Variants in TMEM132B observed in about 807,000 individuals in gnomAD.
TMEM132B encodes the protein transmembrane protein 132B.
TMEM132B carries 18 observed loss-of-function variants against 90.8 expected under a neutral mutation model. That is an observed-to-expected ratio of 0.20 (90% confidence interval 0.14 to 0.29). TMEM132B has a LOEUF of 0.29. Among genes scored for constraint, TMEM132B ranks in the 10% least tolerant of loss-of-function variants. The probability of loss-of-function intolerance (pLI) is 1.00; values close to 1 mark genes in which losing one functional copy is unlikely to be tolerated. For synonymous variants in TMEM132B, 504 were observed against 523.3 expected, an observed-to-expected ratio of 0.96 and a Z score of 0.50; for missense variants, 1,096 against 1,326.8, an observed-to-expected ratio of 0.83 and a Z score of 2.70.
At chr12:125,604,595 C>T (rs1885647224) in intron 5 of TMEM132B, among the ~76,000 whole-genome samples, 1 of 152,050 alleles carries the variant, frequency 6.6e-6, no homozygotes. Context: ...CACTTGTATC[C>T]CAGAACTTAA....
At chr12:125,267,552 T>C (rs1171952710) in intron 1 of TMEM132B, among the ~76,000 whole-genome samples, 2 of 152,170 alleles carry the variant, frequency 1.3e-5, no homozygotes, top group African/African-American at 2.4e-5. Flanking sequence ...TTTGGTTTGT[T>C]CTTCTGATAG....
chr12:125,384,843 G>C (rs1160115379), intron 2 of TMEM132B, among the ~76,000 whole-genome samples: 2 of 152,158 alleles, frequency 1.3e-5, no homozygotes, highest in Admixed American at 6.5e-5. Context: ...GTAGAAATGG[G>C]GTTTCACCAT....
At chr12:125,290,386 G>C (rs548957434) in intron 1 of TMEM132B, among the ~76,000 whole-genome samples, 2 of 152,270 alleles carry the variant, frequency 1.3e-5, no homozygotes, top group East Asian at 3.9e-4. Context: ...AATAAAGCCT[G>C]ACAGTTACAA....
intron 2 of TMEM132B, among the ~76,000 whole-genome samples, chr12:125,385,554 G>C (rs1392053101): frequency 6.6e-6 from 1 of 152,196 alleles, no homozygotes; most frequent in Non-Finnish European, 1.5e-5. Context: ...GGTCACATGA[G>C]AATAGATGCT....
intron 5 of TMEM132B, among the ~76,000 whole-genome samples, chr12:125,612,249 G>A (rs1885849607): frequency 6.6e-6 from 1 of 152,226 alleles, no homozygotes; most frequent in Non-Finnish European, 1.5e-5. Flanking sequence ...GCCAAGGCAG[G>A]TGGATTGCAA....
At chr12:125,252,398 C>T (rs1209108091) in intron 1 of TMEM132B, among the ~76,000 whole-genome samples, 2 of 152,206 alleles carry the variant, frequency 1.3e-5, no homozygotes, top group Non-Finnish European at 2.9e-5. Context: ...TTCCAGCCTC[C>T]CACGGAGGCC....
intron 3 of TMEM132B, among the ~76,000 whole-genome samples, chr12:125,441,182 TTGTC>T (rs1471586554): frequency 6.6e-6 from 1 of 152,190 alleles, no homozygotes; most frequent in Non-Finnish European, 1.5e-5. Context: ...GCTTGCAACA[TTGTC>T]TGGCACAGAA....
intron 1 of TMEM132B, among the ~76,000 whole-genome samples, chr12:125,205,328 A>T (rs1042570816): frequency 1.7e-4 from 25 of 145,280 alleles, no homozygotes; most frequent in Non-Finnish European, 3.2e-4. Flanking sequence ...TTAGCCCTTT[A>T]TGTGGAGCAT....
chr12:125,205,681 A>G (rs1280453352), intron 1 of TMEM132B, among the ~76,000 whole-genome samples: 1 of 152,258 alleles, frequency 6.6e-6, no homozygotes, highest in Non-Finnish European at 1.5e-5. Context: ...CCAGCCTGGC[A>G]GCTTCAGAGC....
At chr12:125,419,419 G>T (rs1338503762) in intron 3 of TMEM132B, among the ~76,000 whole-genome samples, 2 of 152,270 alleles carry the variant, frequency 1.3e-5, no homozygotes, top group East Asian at 3.9e-4. Context: ...CATCTTACAT[G>T]GTGGCAAGTA....
intron 1 of TMEM132B, among the ~76,000 whole-genome samples, chr12:125,269,990 T>C (rs543378561): frequency 1.5e-4 from 22 of 151,702 alleles, no homozygotes; most frequent in Non-Finnish European, 2.9e-4. Context: ...GGCTGCACCA[T>C]TACACTCTAG....
At chr12:125,292,416 A>C (rs931399034) in intron 1 of TMEM132B, among the ~76,000 whole-genome samples, 5 of 152,242 alleles carry the variant, frequency 3.3e-5, no homozygotes, top group Admixed American at 6.5e-5. Flanking sequence ...GTTTGATTAA[A>C]AAAACATTTT....
chr12:125,527,918 C>A (rs761111141), intron 4 of TMEM132B, among the ~76,000 whole-genome samples: 2 of 152,170 alleles, frequency 1.3e-5, no homozygotes, highest in Non-Finnish European at 2.9e-5. Flanking sequence ...GAAGTTGAAA[C>A]TATTAGGCCT....
rs534656613 is a variant in TMEM132B at position 125,661,646 on chromosome 12, T to A, written c.*6936T>A. 6.6e-6 allele frequency: 1 copy of A among 152,246 alleles called. No individual in the cohort carries two copies. The highest frequency in any genetic ancestry group is 2.1e-4 in the South Asian group (1 of 4,830). The allele number at this position is 152,246 out of a possible 1,614,324, so 9.4% of individuals were successfully genotyped here. A position where few individuals can be genotyped will look rare whatever the true frequency, so the allele number is the denominator to read the frequency against. ...GTGTGGATTCCAAGAACAAAACCAA[T>A]TGTCCAACCTCCATTACAGGGGTCT... On this transcript the variant is annotated 3_prime_UTR_variant, in exon 9 of 9. Coordinates refer to ENST00000682704, the MANE Select transcript of TMEM132B (RefSeq NM_001366854.1).
chr12:125,343,653 G>T (rs1318264071), intron 1 of TMEM132B, among the ~76,000 whole-genome samples: 1 of 152,148 alleles, frequency 6.6e-6, no homozygotes, highest in Non-Finnish European at 1.5e-5. Context: ...TTTTGAAAAC[G>T]GTCTAACAGA....
chr12:125,365,711 T>G (rs1878111873), intron 2 of TMEM132B, among the ~76,000 whole-genome samples: 1 of 152,084 alleles, frequency 6.6e-6, no homozygotes, highest in Non-Finnish European at 1.5e-5. Context: ...CTTTCAGCAT[T>G]TTAAAGATAT....
chr12:125,399,535 T>C (rs1241003669), intron 2 of TMEM132B, among the ~76,000 whole-genome samples: 2 of 149,554 alleles, frequency 1.3e-5, no homozygotes, highest in Non-Finnish European at 3.0e-5. Flanking sequence ...GGATGGGCTA[T>C]AGGAGAGGCA....
At chr12:125,440,009 G>T (rs566790400) in intron 3 of TMEM132B, among the ~76,000 whole-genome samples, 19 of 152,240 alleles carry the variant, frequency 1.2e-4, no homozygotes, top group Admixed American at 4.6e-4. Context: ...TGCATCCTGG[G>T]GTTGCAGTCT....
intron 1 of TMEM132B, among the ~76,000 whole-genome samples, chr12:125,228,014 C>G (rs1165513481): frequency 6.6e-6 from 1 of 152,212 alleles, no homozygotes; most frequent in Non-Finnish European, 1.5e-5. Context: ...TTGCATTTCT[C>G]TATTCCTCAC....
Sources: allele counts gnomAD v4.1 joint callset (sites outside exome capture counted in the v4.1 genomes callset), GRCh38; gene constraint gnomAD v4.1.1; transcripts MANE v1.5; gene names NCBI Gene and HGNC (gene_info 2026-07-23, HGNC 2026-07-21).